CDH18: variants seen among roughly 807,000 people sequenced by gnomAD.
CDH18 encodes the protein cadherin-18.
CDH18 carries 31 observed loss-of-function variants against 67.9 expected under a neutral mutation model. The observed-to-expected ratio is 0.46, with a 90% CI of 0.34 to 0.62. CDH18 has a LOEUF of 0.62. Among genes scored for constraint, CDH18 ranks in the 20% least tolerant of loss-of-function variants. CDH18 has a pLI of 0.01. For synonymous variants in CDH18, 362 were observed against 347.2 expected (o/e 1.04, Z -0.48); for missense variants, 890 against 975.5 (o/e 0.91, Z 1.17).
intron 1 of CDH18, among the ~76,000 whole-genome samples, chr5:20,424,585 T>C (rs1018704304): frequency 1.3e-5 from 2 of 149,304 alleles, no homozygotes; most frequent in Admixed American, 6.6e-5. Context: ...AACCTGTCTC[T>C]ACTAAATACA....
At chr5:19,717,909 T>TGATATA (rs1765535003) in intron 5 of CDH18, among the ~76,000 whole-genome samples, 1 of 152,058 alleles carries the variant, frequency 6.6e-6, no homozygotes, top group African/African-American at 2.4e-5. Flanking sequence ...ACCATCATTT[T>TGATATA]TTAGTGCACA....
At chr5:20,498,428 T>G (rs1754041599) in intron 1 of CDH18, among the ~76,000 whole-genome samples, 1 of 152,090 alleles carries the variant, frequency 6.6e-6, no homozygotes, top group Non-Finnish European at 1.5e-5. Context: ...TTCTTGGGAA[T>G]CATTGGAGAT....
At chr5:19,915,030 T>G (rs1014514978) in intron 2 of CDH18, among the ~76,000 whole-genome samples, 1 of 152,104 alleles carries the variant, frequency 6.6e-6, no homozygotes, top group Non-Finnish European at 1.5e-5. Flanking sequence ...AAGGAAAGAA[T>G]TATTTGTGCT....
intron 2 of CDH18, among the ~76,000 whole-genome samples, chr5:20,241,890 ATG>A (rs1554106516): frequency 1.6e-4 from 11 of 69,938 alleles, no homozygotes; most frequent in South Asian, 4.3e-4. Flanking sequence ...ATATATATAT[ATG>A]TATATATATA....
At chr5:20,123,663 G>A (rs1388486612) in intron 2 of CDH18, among the ~76,000 whole-genome samples, 1 of 152,086 alleles carries the variant, frequency 6.6e-6, no homozygotes, top group Non-Finnish European at 1.5e-5. Context: ...CGAGGCGGGC[G>A]GATCGCGAGG....
intron 2 of CDH18, among the ~76,000 whole-genome samples, chr5:20,203,856 A>AT (rs1157240312): frequency 1.3e-5 from 2 of 152,044 alleles, no homozygotes; most frequent in African/African-American, 4.8e-5. Context: ...AGAAAACTCT[A>AT]TTATTACCAA....
At chr5:19,780,234 T>G (rs2149778920) in intron 3 of CDH18, among the ~76,000 whole-genome samples, 1 of 152,226 alleles carries the variant, frequency 6.6e-6, no homozygotes, top group South Asian at 2.1e-4. Context: ...CTAAACACGG[T>G]TATGGATACA....
intron 1 of CDH18, among the ~76,000 whole-genome samples, chr5:20,517,837 G>C (rs1755473361): frequency 6.6e-6 from 1 of 152,124 alleles, no homozygotes; most frequent in East Asian, 1.9e-4. Flanking sequence ...AGGTGATTGT[G>C]GTTGTTTCAC....
intron 1 of CDH18, among the ~76,000 whole-genome samples, chr5:20,311,731 C>G (rs1005255985): frequency 6.6e-6 from 1 of 152,022 alleles, no homozygotes; most frequent in African/African-American, 2.4e-5. Context: ...CATCATGACA[C>G]GTGTATACCT....
intron 1 of CDH18, among the ~76,000 whole-genome samples, chr5:20,483,258 G>T (rs546244240): frequency 6.6e-6 from 1 of 151,974 alleles, no homozygotes; most frequent in Non-Finnish European, 1.5e-5. Context: ...ATTGATGCCA[G>T]AAATTGAAGA....
chr5:20,518,091 C>A (rs543041054), intron 1 of CDH18, among the ~76,000 whole-genome samples: 31 of 152,094 alleles, frequency 2.0e-4, no homozygotes, highest in Admixed American at 6.6e-4. Context: ...GGGAAATGTT[C>A]CAGTAAGAAA....
chr5:19,744,209 C>T (rs1769645784), intron 4 of CDH18, among the ~76,000 whole-genome samples: 1 of 152,026 alleles, frequency 6.6e-6, no homozygotes. Flanking sequence ...TGCCTGAAAC[C>T]ACAGTAGTAC....
intron 1 of CDH18, among the ~76,000 whole-genome samples, chr5:20,337,422 G>A (rs1290387673): frequency 6.6e-6 from 1 of 152,098 alleles, no homozygotes; most frequent in Non-Finnish European, 1.5e-5. Flanking sequence ...AGAATGCTTT[G>A]CTGCGTAGGG....
chr5:19,473,226 C>T lies in CDH18; in HGVS notation c.2373G>A (p.Ter791=), dbSNP rs767722679. The T allele has an allele frequency of 1.7e-5, 27 of 1,612,452 alleles. No homozygotes were observed. Among genetic ancestry groups the T allele is most frequent in the East Asian group, 4.5e-5 (2 of 44,838 alleles). The change falls in exon 13 of 13, where the codon TAG becomes TAA. Residue 791 remains the stop codon, a stop_retained_variant. Coordinates refer to ENST00000382275, the MANE Select transcript of CDH18 (RefSeq NM_004934.5). ...YGEIESERTT[*] ...CCACAAGGTTGCAAGAACTGACCCC[C>T]TAAGTTGTTCTTTCAGATTCTATTT... is the stretch of plus-strand genomic sequence containing the variant.
intron 8 of CDH18, among the ~76,000 whole-genome samples, chr5:19,567,272 T>C (rs1740579560): frequency 2.0e-5 from 3 of 152,206 alleles, no homozygotes; most frequent in Admixed American, 6.5e-5. Flanking sequence ...AGACAAAACC[T>C]AGACATTATA....
chr5:20,251,162 T>C (rs1011555106), intron 2 of CDH18, among the ~76,000 whole-genome samples: 1 of 152,150 alleles, frequency 6.6e-6, no homozygotes, highest in Non-Finnish European at 1.5e-5. Flanking sequence ...TAAATATAAT[T>C]CTGTGTACAA....
intron 3 of CDH18, among the ~76,000 whole-genome samples, chr5:19,800,963 C>T (rs1317787814): frequency 6.6e-6 from 1 of 151,714 alleles, no homozygotes; most frequent in Non-Finnish European, 1.5e-5. Flanking sequence ...TATTAAAATA[C>T]AAAAAATTAG....
rs546363924 is a variant in CDH18 at position 19,548,781 on chromosome 5, G to A, written c.1254-4776C>T. ...TTTTTTTTTTTTTTTATGAAGTGTC[G>A]CTCTTGTTGCCCAGGCTGGAGTGCA... On this transcript the variant is annotated intron_variant, in intron 8 of 12. Coordinates refer to ENST00000382275, the MANE Select transcript of CDH18 (RefSeq NM_004934.5). Among the ~76,000 whole-genome samples, 9 of 142,842 alleles carry A rather than the reference G, an allele frequency of 6.3e-5. 1 individual carries two copies. In the South Asian group the frequency reaches 2.0e-3, roughly 31 times the overall value. 93.7% of individuals were successfully genotyped at this position (142,842 alleles called of 152,430 possible).
At chr5:20,035,804 T>C (rs1464923521) in intron 2 of CDH18, among the ~76,000 whole-genome samples, 3 of 152,050 alleles carry the variant, frequency 2.0e-5, no homozygotes, top group Admixed American at 6.6e-5. Flanking sequence ...CTGAGAGTGA[T>C]TGAGCTGGGC....
Sources: gnomAD v4.1 joint callset for allele counts (sites outside exome capture counted in the v4.1 genomes callset) on GRCh38, gnomAD v4.1.1 for gene constraint, MANE v1.5 for transcripts, NCBI Gene and HGNC (gene_info 2026-07-23, HGNC 2026-07-21) for gene names.